PTCHD4: variants seen among roughly 807,000 people sequenced by gnomAD.
The protein encoded by PTCHD4 is patched domain-containing protein 4.
In PTCHD4, 33 loss-of-function variants were observed where a neutral mutation model predicts 58.1. The ratio of observed to expected loss-of-function variants is 0.57; its 90% CI spans 0.43 to 0.76. The LOEUF is 0.76. Ranked by LOEUF, PTCHD4 falls within the 30% of genes least tolerant of loss-of-function variation. The pLI, the probability that PTCHD4 is intolerant of heterozygous loss-of-function variation, is 0.00. For missense variants in PTCHD4, 1,058 were observed against 1,027.1 expected, an observed-to-expected ratio of 1.03 and a Z score of -0.41; for synonymous variants, 478 against 409.6, an observed-to-expected ratio of 1.17 and a Z score of -2.02.
rs541457046 is a variant in PTCHD4 at position 47,972,827 on chromosome 6, T to A, written c.898+35807A>T. On this transcript the variant is annotated intron_variant, in intron 4 of 4. Coordinates refer to ENST00000339488, the MANE Select transcript of PTCHD4 (RefSeq NM_001384253.1). ...TTTTTTACACTTGTCTTTTTACTTT[T>A]TGTATTGATTAGAATTGTTTAATAA... Among the ~76,000 whole-genome samples the A allele has an allele frequency of 8.5e-5, 13 of 152,136 alleles. No homozygotes were observed. The South Asian group carries it at 2.5e-3, about 29-fold the overall frequency.
chr6:47,942,822 C>G (rs911527168), intron 4 of PTCHD4, among the ~76,000 whole-genome samples: 2 of 152,190 alleles, frequency 1.3e-5, no homozygotes, highest in African/African-American at 4.8e-5. Flanking sequence ...TGTTAGTTCT[C>G]TCAGGTGCAA....
chr6:47,856,891 CAT>C lies in PTCHD4; in HGVS notation c.*21410_*21411del, dbSNP rs1053216097. ...ATAGTCATCAACCTTTATATAAATC[CAT>C]ATATGTTTGTAATAGCTTTTCATAA... On this transcript the variant is annotated 3_prime_UTR_variant, in exon 5 of 5. Coordinates refer to ENST00000339488, the MANE Select transcript of PTCHD4 (RefSeq NM_001384253.1). Among the ~76,000 whole-genome samples the C allele has an allele frequency of 6.6e-6, 1 of 151,652 alleles. No homozygotes were observed. Among genetic ancestry groups the C allele is most frequent in the Non-Finnish European group, 1.5e-5 (1 of 67,870 alleles).
chr6:48,049,538 G>A (rs999327481), intron 3 of PTCHD4, among the ~76,000 whole-genome samples: 7 of 151,972 alleles, frequency 4.6e-5, no homozygotes, highest in African/African-American at 1.7e-4. Flanking sequence ...TGTGCAAAGT[G>A]TTCTTGCATT....
chr6:48,107,955 G>C (rs1765771555), intron 1 of PTCHD4, among the ~76,000 whole-genome samples: 1 of 152,106 alleles, frequency 6.6e-6, no homozygotes, highest in African/African-American at 2.4e-5. Context: ...GAAACAACAG[G>C]TGCTGGAGAG....
intron 3 of PTCHD4, among the ~76,000 whole-genome samples, chr6:48,027,472 T>A (rs1047301462): frequency 9.9e-5 from 15 of 152,128 alleles, no homozygotes; most frequent in African/African-American, 2.9e-4. Flanking sequence ...TAGCTTGAGA[T>A]GATGGGTAGC....
At chr6:48,035,766 C>G (rs548752380) in intron 3 of PTCHD4, among the ~76,000 whole-genome samples, 1 of 152,266 alleles carries the variant, frequency 6.6e-6, no homozygotes, top group Non-Finnish European at 1.5e-5. Context: ...CTAACCCTGG[C>G]CTGCCTTCAG....
At chr6:48,091,211 T>C (rs1164644074) in intron 1 of PTCHD4, among the ~76,000 whole-genome samples, 1 of 152,046 alleles carries the variant, frequency 6.6e-6, no homozygotes, top group African/African-American at 2.4e-5. Flanking sequence ...GCTTTTACTC[T>C]TCTTAACCTA....
intron 4 of PTCHD4, among the ~76,000 whole-genome samples, chr6:48,007,358 T>C (rs1355932003): frequency 6.6e-6 from 1 of 152,206 alleles, no homozygotes; most frequent in African/African-American, 2.4e-5. Flanking sequence ...ACACTTCATA[T>C]TTTCATTCTC....
intron 1 of PTCHD4, among the ~76,000 whole-genome samples, chr6:48,083,478 A>G (rs1765203921): frequency 6.6e-6 from 1 of 152,154 alleles, no homozygotes; most frequent in African/African-American, 2.4e-5. Context: ...GGCCCTAGAT[A>G]TATGTCTACA....
At chr6:48,023,585 C>T (rs1183663997) in intron 3 of PTCHD4, among the ~76,000 whole-genome samples, 1 of 152,130 alleles carries the variant, frequency 6.6e-6, no homozygotes, top group African/African-American at 2.4e-5. Flanking sequence ...TCTGATATCG[C>T]CTACCTCCTA....
chr6:48,079,147 T>A (rs1024534756), intron 1 of PTCHD4, among the ~76,000 whole-genome samples: 6 of 151,182 alleles, frequency 4.0e-5, no homozygotes, highest in Non-Finnish European at 8.8e-5. Flanking sequence ...AAATTGCATA[T>A]TTTCCCAAAA....
chr6:47,878,062 C>G lies in PTCHD4; in HGVS notation c.*241G>C. The G allele has an allele frequency of 2.6e-6, 1 of 380,736 alleles. No homozygotes were observed. Among genetic ancestry groups the G allele is most frequent in the Non-Finnish European group, 4.7e-6 (1 of 212,934 alleles). 23.6% of individuals were successfully genotyped at this position (380,736 alleles called of 1,614,324 possible). A position where few individuals can be genotyped will look rare whatever the true frequency, so the allele number is the denominator to read the frequency against. On this transcript the variant is annotated 3_prime_UTR_variant, in exon 5 of 5. Transcript: ENST00000339488. ...GATTCATCCATTCCTTGGAAGAGCT[C>G]TCAGATTACATCCAGAAACTTGTTT...
chr6:47,930,555 A>T (rs1490569712), intron 4 of PTCHD4, among the ~76,000 whole-genome samples: 3 of 152,080 alleles, frequency 2.0e-5, no homozygotes, highest in Admixed American at 2.0e-4. Context: ...ATTTTAGGAG[A>T]TTTACTTTCC....
rs144138192 is a variant in PTCHD4, at chr6:47,992,331, G to A, written c.898+16303C>T. The stretch of plus-strand genomic sequence containing the variant: ...CACACACACATACATATGCACGCAC[G>A]TAATAACATATGTGGTGAAACTATG... On this transcript the variant is annotated intron_variant, in intron 4 of 4. Coordinates refer to ENST00000339488, the MANE Select transcript of PTCHD4 (RefSeq NM_001384253.1). Among the ~76,000 whole-genome samples, 64 of 152,072 alleles carry A rather than the reference G, an allele frequency of 4.2e-4. 3 individuals are homozygous for A. In the East Asian group the frequency reaches 0.01, roughly 24 times the overall value.
At chr6:48,046,343 G>A (rs909171421) in intron 3 of PTCHD4, among the ~76,000 whole-genome samples, 4 of 151,760 alleles carry the variant, frequency 2.6e-5, no homozygotes, top group Non-Finnish European at 5.9e-5. Context: ...GCTTTTGGGG[G>A]AAGCACTGTT....
intron 4 of PTCHD4, among the ~76,000 whole-genome samples, chr6:47,939,682 A>T (rs1266275240): frequency 6.6e-6 from 1 of 152,088 alleles, no homozygotes; most frequent in Non-Finnish European, 1.5e-5. Context: ...TCTCTAAAGT[A>T]GGGCTTTTAT....
rs1052956683 is a variant in PTCHD4, at chr6:47,935,364, T to G, written c.899-55428A>C. On this transcript the variant is annotated intron_variant, in intron 4 of 4. Coordinates refer to ENST00000339488, the MANE Select transcript of PTCHD4 (RefSeq NM_001384253.1). ...GGGAAAAATTAGTATGTTGGAGTCC[T>G]TTAAAATGAGAACATGTCATGGGGC... Among the ~76,000 whole-genome samples, 3 of 152,324 alleles carry G rather than the reference T, an allele frequency of 2.0e-5. No individual in the cohort carries two copies. The East Asian group carries it at 5.8e-4, about 29-fold the overall frequency.
intron 4 of PTCHD4, among the ~76,000 whole-genome samples, chr6:48,002,623 G>A (rs537487160): frequency 1.3e-4 from 19 of 151,862 alleles, no homozygotes; most frequent in Admixed American, 9.2e-4. Flanking sequence ...GTGGGGGTAG[G>A]GGGGAGGGAT....
At chr6:47,907,375 A>T (rs1764924183) in intron 4 of PTCHD4, among the ~76,000 whole-genome samples, 1 of 152,150 alleles carries the variant, frequency 6.6e-6, no homozygotes, top group Non-Finnish European at 1.5e-5. Flanking sequence ...GATTGAAAAG[A>T]CTCATTTCAT....
Sources: allele counts gnomAD v4.1 joint callset (sites outside exome capture counted in the v4.1 genomes callset), GRCh38; gene constraint gnomAD v4.1.1; transcripts MANE v1.5; gene names NCBI Gene and HGNC (gene_info 2026-07-23, HGNC 2026-07-21).